RIPOR2: variants seen among roughly 807,000 people sequenced by gnomAD.
RIPOR2 encodes the protein rho family-interacting cell polarization regulator 2.
In RIPOR2, 39 loss-of-function variants were observed where a neutral mutation model predicts 114.5. The ratio of observed to expected loss-of-function variants is 0.34; its 90% CI spans 0.26 to 0.44. RIPOR2 has a LOEUF of 0.44. Among genes scored for constraint, RIPOR2 ranks in the 20% least tolerant of loss-of-function variants. The probability of loss-of-function intolerance (pLI) is 1.00; values close to 1 mark genes in which losing one functional copy is unlikely to be tolerated. For synonymous variants in RIPOR2, 445 were observed against 484.4 expected (o/e 0.92, Z 1.07); for missense variants, 1,007 against 1,255.1 (o/e 0.80, Z 2.99).
intron 7 of RIPOR2, among the ~76,000 whole-genome samples, chr6:24,863,911 A>G (rs1396227832): frequency 1.3e-5 from 2 of 152,146 alleles, no homozygotes; most frequent in African/African-American, 4.8e-5. Flanking sequence ...TGACTTTTGA[A>G]ATATTTTGAA....
chr6:24,857,624 A>G (rs1763608365), intron 8 of RIPOR2, among the ~76,000 whole-genome samples: 1 of 152,164 alleles, frequency 6.6e-6, no homozygotes, highest in African/African-American at 2.4e-5. Flanking sequence ...GTAGCTATAC[A>G]GTCAGGAGCT....
chr6:24,907,082 C>T (rs1769076842), intron 1 of RIPOR2, among the ~76,000 whole-genome samples: 1 of 152,150 alleles, frequency 6.6e-6, no homozygotes, highest in Non-Finnish European at 1.5e-5. Flanking sequence ...TTAAAATCCA[C>T]CTCAGAATTA....
intron 1 of RIPOR2, among the ~76,000 whole-genome samples, chr6:24,928,877 C>G (rs1771164491): frequency 6.6e-6 from 1 of 152,098 alleles, no homozygotes; most frequent in Non-Finnish European, 1.5e-5. Flanking sequence ...TTCTCTCTTC[C>G]TCAGTTTGGA....
At chr6:24,851,033 C>T (rs1430268758) in intron 9 of RIPOR2, among the ~76,000 whole-genome samples, 1 of 151,826 alleles carries the variant, frequency 6.6e-6, no homozygotes, top group Non-Finnish European at 1.5e-5. Context: ...GTAGCTGGGA[C>T]TACAGGCATG....
chr6:24,995,607 C>T (rs1021253463), intron 1 of RIPOR2, among the ~76,000 whole-genome samples: 2 of 152,204 alleles, frequency 1.3e-5, no homozygotes, highest in Non-Finnish European at 2.9e-5. Context: ...CGCACAACTC[C>T]ACAAAGCTCT....
At chr6:24,990,376 C>G (rs1335913511) in intron 1 of RIPOR2, among the ~76,000 whole-genome samples, 1 of 152,144 alleles carries the variant, frequency 6.6e-6, no homozygotes, top group Non-Finnish European at 1.5e-5. Flanking sequence ...GAAGTCAATA[C>G]CAAAAGAGGA....
chr6:24,993,993 A>G (rs577961082), intron 1 of RIPOR2, among the ~76,000 whole-genome samples: 1 of 152,348 alleles, frequency 6.6e-6, no homozygotes, highest in South Asian at 2.1e-4. Context: ...GCCCAAGATA[A>G]GAGTTGATTC....
chr6:24,955,952 T>C (rs1211829969), intron 1 of RIPOR2, among the ~76,000 whole-genome samples: 1 of 147,788 alleles, frequency 6.8e-6, no homozygotes, highest in Non-Finnish European at 1.5e-5. Flanking sequence ...GAGGTTGCAG[T>C]GAGCCAAGAT....
chr6:24,851,162 TAGG>T lies in RIPOR2; in HGVS notation c.760-443_760-441del, dbSNP rs201899509. On this transcript the variant is annotated intron_variant, in intron 9 of 21. Transcript: ENST00000643898. ...TGCCCGCCTCAGCCTCCCAAAGTGC[TAGG>T]ATTACAGACATAAGCCACTGTGCCT... Among the ~76,000 whole-genome samples, 17 of 152,248 alleles carry T rather than the reference TAGG, an allele frequency of 1.1e-4. No homozygotes were observed. The East Asian group carries it at 1.2e-3, about 10-fold the overall frequency.
intron 1 of RIPOR2, among the ~76,000 whole-genome samples, chr6:24,918,128 G>A (rs922583869): frequency 3.9e-5 from 6 of 152,188 alleles, no homozygotes; most frequent in South Asian, 2.1e-4. Context: ...AACAGGAGAT[G>A]AAAGTGAGGT....
chr6:24,984,651 C>CAAA (rs34218427), intron 1 of RIPOR2, among the ~76,000 whole-genome samples: 83,597 of 147,602 alleles, frequency 0.57, 23,977 homozygotes, highest in East Asian at 0.79. Flanking sequence ...CCCCGTCTCT[C>CAAA]AAAAAAAAAA....
chr6:24,956,690 G>A (rs890688597), intron 1 of RIPOR2, among the ~76,000 whole-genome samples: 1 of 13,618 alleles, frequency 7.3e-5, no homozygotes. Context: ...GCAGTCTGCC[G>A]CAGAGGCTGG....
At chr6:24,935,162 G>T (rs1049183464) in intron 1 of RIPOR2, among the ~76,000 whole-genome samples, 1 of 151,946 alleles carries the variant, frequency 6.6e-6, no homozygotes, top group African/African-American at 2.4e-5. Context: ...ACAAAAATTA[G>T]CTGGGCATGG....
At chr6:24,818,687 C>T in intron 19 of RIPOR2, 62 bp from the exon 20 acceptor site, 1 of 1,003,628 alleles carries the variant, frequency 1.0e-6, no homozygotes, top group South Asian at 1.7e-5. Context: ...AAGAGGTATA[C>T]CTCATTCTTA....
intron 1 of RIPOR2, among the ~76,000 whole-genome samples, chr6:24,964,399 C>T (rs1371597976): frequency 2.6e-5 from 4 of 152,166 alleles, no homozygotes; most frequent in Non-Finnish European, 4.4e-5. Context: ...AACCTGTGTC[C>T]TTTTGAGATT....
In RIPOR2 at chr6:24,805,948, T is replaced by C. The variant is rs1355923248; in HGVS notation, c.*425A>G. 6.1e-6 allele frequency: 1 copy of C among 162,814 alleles called. No individual in the cohort carries two copies. Among genetic ancestry groups the C allele is most frequent in the East Asian group, 1.9e-4 (1 of 5,316 alleles). 10.1% of individuals were successfully genotyped at this position (162,814 alleles called of 1,614,324 possible). On this transcript the variant is annotated 3_prime_UTR_variant, in exon 22 of 22. Transcript: ENST00000643898. Reference sequence around the variant, plus strand: ...TTTCTATAACATGTTTTTTTAGTTGTTGTTGTTGTTTTGTTTTTTGAGACA... The same window carrying C: ...TTTCTATAACATGTTTTTTTAGTTGCTGTTGTTGTTTTGTTTTTTGAGACA...
rs761300748 is a variant in RIPOR2 at position 24,875,713 on chromosome 6, C to A, written c.166G>T (p.Gly56Cys). 6.2e-7 allele frequency: 1 copy of A among 1,613,310 alleles called. No individual in the cohort carries two copies. ...TGCCTGGATCGCCTTTCCTGGAGGC[C>A]GCTGAAACCCGCAAAGGACTGGCTT... The part of the protein sequence containing the change: ...IRSQSFAGFS[G>C]LQERRSRCNS... Residue 56 changes from glycine (G) to cysteine (C), a missense_variant, in exon 2 of 22, where the codon GGC becomes TGC. Physicochemically the swap from Gly to Cys is radical, Grantham distance 159. Coordinates refer to ENST00000643898, the MANE Select transcript of RIPOR2 (RefSeq NM_001286445.3).
rs1303828018 is a variant in RIPOR2, at chr6:25,023,871, G to A, written c.76+17980C>T. ...CTTTGACCGGTTCCTAGGTCTTCGT[G>A]TAGAGACCTGGAGGCACTTGGTTCT... On this transcript the variant is annotated intron_variant, in intron 1 of 13. Coordinates refer to the RIPOR2 transcript ENST00000510784. 5 of 726,232 alleles carry A rather than the reference G, an allele frequency of 6.9e-6. No homozygotes were observed. In the East Asian group the frequency reaches 1.3e-4, roughly 19 times the overall value. The allele number at this position is 726,232 out of a possible 1,614,324, so 45.0% of individuals were successfully genotyped here.
intron 1 of RIPOR2, among the ~76,000 whole-genome samples, chr6:24,881,317 G>C (rs2113927409): frequency 6.6e-6 from 1 of 152,288 alleles, no homozygotes; most frequent in African/African-American, 2.4e-5. Context: ...TCATTTTTGT[G>C]TGTTAAATCC....
Sources: gnomAD v4.1 joint callset for allele counts (sites outside exome capture counted in the v4.1 genomes callset) on GRCh38, gnomAD v4.1.1 for gene constraint, MANE v1.5 for transcripts, NCBI Gene and HGNC (gene_info 2026-07-23, HGNC 2026-07-21) for gene names.